The following MTUS2 variants were observed in gnomAD, a reference collection of about 807,000 sequenced individuals.
The protein encoded by MTUS2 is microtubule associated scaffold protein 2.
In MTUS2, 40 loss-of-function variants were observed where a neutral mutation model predicts 114.1. That is an observed-to-expected ratio of 0.35 (90% CI 0.27 to 0.46). The LOEUF (loss-of-function observed/expected upper bound fraction) is 0.46, where lower values mean the gene tolerates loss of function less well. MTUS2 is among the 20% of genes least tolerant of loss of function. MTUS2 has a pLI of 1.00. For synonymous variants in MTUS2, 688 were observed against 672.0 expected (o/e 1.02, Z -0.37); for missense variants, 1,679 against 1,705.4 (o/e 0.98, Z 0.27).
At chr13:29,158,358 C>CCCCCCCCCTCTCCTCTTTT in intron 5 of MTUS2, among the ~76,000 whole-genome samples, 1 of 32,048 alleles carries the variant, frequency 3.1e-5, no homozygotes, top group Non-Finnish European at 5.1e-5. Context: ...GTCCACCCCG[C>CCCCCCCCCTCTCCTCTTTT]TTTTTTTTTT....
intron 8 of MTUS2, among the ~76,000 whole-genome samples, chr13:29,383,688 A>C (rs149123959): frequency 1.3e-3 from 205 of 152,266 alleles, no homozygotes; most frequent in African/African-American, 4.8e-3. Context: ...AGGTCCCATC[A>C]GAAGGTGCAC....
At chr13:29,196,397 T>C (rs1348404211) in intron 5 of MTUS2, among the ~76,000 whole-genome samples, 1 of 150,078 alleles carries the variant, frequency 6.7e-6, no homozygotes, top group African/African-American at 2.5e-5. Context: ...TTAGTTTCTT[T>C]AATCTCAGAT....
intron 2 of MTUS2, among the ~76,000 whole-genome samples, chr13:28,878,439 G>A (rs556616221): frequency 3.3e-5 from 5 of 152,236 alleles, no homozygotes; most frequent in African/African-American, 1.2e-4. Flanking sequence ...CATCACCTAT[G>A]TATTAAGTCT....
In MTUS2 at chr13:29,503,249, G is replaced by A. The variant is rs1362215415; in HGVS notation, c.*43G>A. The A allele has an allele frequency of 3.1e-6, 5 of 1,604,418 alleles. No individual in the cohort carries two copies. The highest frequency in any genetic ancestry group is 4.5e-5 in the East Asian group (2 of 44,716). ...CGGGAGCTCCGGCTTCTCGTCCTCC[G>A]GTCTCCACCCTGAGGGAGCACCGAC... is the stretch of plus-strand genomic sequence containing the variant. On this transcript the variant is annotated 3_prime_UTR_variant, in exon 16 of 16. Transcript: ENST00000612955.
At chr13:28,997,984 T>C (rs9506070) in intron 2 of MTUS2, among the ~76,000 whole-genome samples, 83,801 of 151,990 alleles carry the variant, frequency 0.55, 23,561 homozygotes, top group East Asian at 0.73. Flanking sequence ...TCTTCTTAGC[T>C]TTGATATTCT....
At chr13:29,199,794 A>C (rs1268867587) in intron 5 of MTUS2, among the ~76,000 whole-genome samples, 1 of 151,936 alleles carries the variant, frequency 6.6e-6, no homozygotes, top group Non-Finnish European at 1.5e-5. Flanking sequence ...TGCCTCTGTT[A>C]GAATTTGGCT....
intron 9 of MTUS2, among the ~76,000 whole-genome samples, chr13:29,449,595 A>C (rs1406932161): frequency 6.6e-6 from 1 of 152,218 alleles, no homozygotes; most frequent in Non-Finnish European, 1.5e-5. Flanking sequence ...GGTGTGGGAC[A>C]AAAGTCTTAA....
intron 2 of MTUS2, among the ~76,000 whole-genome samples, chr13:28,855,416 TC>T (rs890446714): frequency 1.9e-4 from 29 of 152,112 alleles, no homozygotes; most frequent in African/African-American, 6.7e-4. Context: ...ACGCTCTCCC[TC>T]CCCCTAGACT....
At chr13:29,147,594 T>C (rs1285594981) in intron 5 of MTUS2, among the ~76,000 whole-genome samples, 2 of 152,234 alleles carry the variant, frequency 1.3e-5, no homozygotes, top group Admixed American at 1.3e-4. Context: ...TCTCTCTCTC[T>C]CCCCGCTGTA....
chr13:29,131,248 C>G (rs993058521), intron 5 of MTUS2, among the ~76,000 whole-genome samples: 40 of 152,232 alleles, frequency 2.6e-4, no homozygotes, highest in Non-Finnish European at 1.5e-4. Context: ...AGGTAGCTGT[C>G]ATCCTTAGTT....
chr13:29,113,792 G>A (rs931540513), intron 5 of MTUS2, among the ~76,000 whole-genome samples: 1 of 152,034 alleles, frequency 6.6e-6, no homozygotes, highest in Non-Finnish European at 1.5e-5. Context: ...GGAACTTTAG[G>A]GTCCTGGGTT....
intron 6 of MTUS2, among the ~76,000 whole-genome samples, chr13:29,293,507 G>A (rs1898804937): frequency 6.6e-6 from 1 of 152,024 alleles, no homozygotes; most frequent in Non-Finnish European, 1.5e-5. Flanking sequence ...ATATAAATTG[G>A]TACACTCTTT....
chr13:29,196,438 T>G (rs2139217620), intron 5 of MTUS2, among the ~76,000 whole-genome samples: 1 of 150,926 alleles, frequency 6.6e-6, no homozygotes, highest in South Asian at 2.1e-4. Flanking sequence ...TTCCTCAATT[T>G]TTTTTTTGAC....
chr13:29,072,946 G>A (rs991301545), intron 4 of MTUS2, among the ~76,000 whole-genome samples: 2 of 152,124 alleles, frequency 1.3e-5, no homozygotes, highest in Non-Finnish European at 1.5e-5. Flanking sequence ...TATATGACTT[G>A]TACCTTACCT....
intron 5 of MTUS2, among the ~76,000 whole-genome samples, chr13:29,206,277 A>G (rs1393590455): frequency 1.3e-5 from 2 of 152,016 alleles, no homozygotes; most frequent in African/African-American, 4.8e-5. Flanking sequence ...CTTCTTGCTG[A>G]TTTGAGTTTC....
At chr13:29,102,907 A>C (rs1890481415) in intron 5 of MTUS2, among the ~76,000 whole-genome samples, 1 of 152,202 alleles carries the variant, frequency 6.6e-6, no homozygotes, top group African/African-American at 2.4e-5. Context: ...CATATGGTAT[A>C]TATCTTTCCA....
chr13:29,474,516 A>G (rs1210956497), intron 9 of MTUS2, among the ~76,000 whole-genome samples: 1 of 152,090 alleles, frequency 6.6e-6, no homozygotes, highest in Non-Finnish European at 1.5e-5. Flanking sequence ...TTGGCACCCA[A>G]CCTCCCAAAG....
At chr13:29,316,481 C>A (rs1899993908) in intron 6 of MTUS2, among the ~76,000 whole-genome samples, 1 of 152,184 alleles carries the variant, frequency 6.6e-6, no homozygotes, top group East Asian at 1.9e-4. Context: ...TAGTCACCGC[C>A]TTCCTGCCCT....
chr13:29,330,389 T>C (rs1367661224), intron 7 of MTUS2, among the ~76,000 whole-genome samples: 1 of 152,220 alleles, frequency 6.6e-6, no homozygotes, highest in Non-Finnish European at 1.5e-5. Flanking sequence ...GTTGGTTGCC[T>C]GTTCACTCTG....
Sources: allele counts gnomAD v4.1 joint callset (sites outside exome capture counted in the v4.1 genomes callset), GRCh38; gene constraint gnomAD v4.1.1; transcripts MANE v1.5; gene names NCBI Gene and HGNC (gene_info 2026-07-23, HGNC 2026-07-21).